Variants in CELF2 observed in about 807,000 individuals in gnomAD.
CELF2 encodes CUGBP Elav-like family member 2, also known as CUG triplet repeat RNA-binding protein 2.
Under a neutral mutation model 62.6 loss-of-function variants are expected in CELF2, and 8 were observed. That is an observed-to-expected ratio of 0.13 (90% CI 0.07 to 0.23). The LOEUF is 0.23. CELF2 is among the 10% of genes least tolerant of loss of function. CELF2 has a pLI of 1.00. For synonymous variants in CELF2, 258 were observed against 250.0 expected (o/e 1.03, Z -0.30); for missense variants, 333 against 671.0 (o/e 0.50, Z 5.56).
chr10:10,498,458 C>T, the CELF2 span, among the ~76,000 whole-genome samples: 3 of 152,148 alleles, frequency 2.0e-5, no homozygotes, highest in Non-Finnish European at 2.9e-5. Flanking sequence ...GAGCTTGGCT[C>T]CTGGAGGCAG....
rs1346445131 is a variant in CELF2 at position 11,098,889 on chromosome 10, C to A, written c.75-66597C>A. Among the ~76,000 whole-genome samples, 1 of 152,194 alleles carries A rather than the reference C, an allele frequency of 6.6e-6. No homozygotes were observed. The highest frequency in any genetic ancestry group is 1.5e-5 in the Non-Finnish European group (1 of 68,038). ...AGCAGCTTCCCCGAACCTCTCTCATCCCCTCAGTTTGGGCACAGTCCAGCA... is the reference window on the plus strand; with the variant it reads ...AGCAGCTTCCCCGAACCTCTCTCATACCCTCAGTTTGGGCACAGTCCAGCA... On this transcript the variant is annotated intron_variant, in intron 1 of 12. Coordinates refer to ENST00000633077, the MANE Select transcript of CELF2 (RefSeq NM_001326342.2). This position sits in a 1 kb window ranked among gnomAD's most constrained non-coding sequence, Gnocchi z 4.0.
chr10:10,878,047 C>T (rs568989537), intron 1 of CELF2, among the ~76,000 whole-genome samples: 1 of 152,164 alleles, frequency 6.6e-6, no homozygotes, highest in Non-Finnish European at 1.5e-5. Context: ...ACCAGTGGAC[C>T]TCCCTGCCTC....
At chr10:11,045,290 CA>C (rs1429325739) in intron 1 of CELF2, among the ~76,000 whole-genome samples, 2 of 152,128 alleles carry the variant, frequency 1.3e-5, no homozygotes, top group Non-Finnish European at 2.9e-5. Context: ...TCTATACAGA[CA>C]GGGGTCTCAT....
chr10:11,148,427 C>G (rs2062673061), intron 1 of CELF2, among the ~76,000 whole-genome samples: 1 of 152,160 alleles, frequency 6.6e-6, no homozygotes, highest in South Asian at 2.1e-4. Context: ...ATGCTTTTTT[C>G]TCCTATCTTT....
At chr10:11,116,460 A>T (rs530843906) in intron 1 of CELF2, among the ~76,000 whole-genome samples, 2 of 152,350 alleles carry the variant, frequency 1.3e-5, no homozygotes, top group Admixed American at 1.3e-4. Context: ...AGAAGTGAGC[A>T]TGTGTTCACT....
chr10:10,969,715 C>G (rs534445823), intron 2 of CELF2, among the ~76,000 whole-genome samples: 1 of 152,256 alleles, frequency 6.6e-6, no homozygotes, highest in South Asian at 2.1e-4. Context: ...GATGCATTCC[C>G]TAAAAGAATA....
the CELF2 span, among the ~76,000 whole-genome samples, chr10:10,742,453 A>T: frequency 6.6e-6 from 1 of 151,816 alleles, no homozygotes; most frequent in African/African-American, 2.4e-5. Flanking sequence ...ACATGGCAAA[A>T]CCCTGTCTTA....
the CELF2 span, among the ~76,000 whole-genome samples, chr10:10,565,496 A>T: frequency 6.6e-6 from 1 of 152,216 alleles, no homozygotes; most frequent in Admixed American, 6.5e-5. Context: ...CATTATCCTT[A>T]ATCTGTCTAG....
At chr10:10,912,365 G>C (rs2063887151) in intron 1 of CELF2, among the ~76,000 whole-genome samples, 1 of 152,062 alleles carries the variant, frequency 6.6e-6, no homozygotes, top group South Asian at 2.1e-4. Context: ...CCCACTTCTA[G>C]AATGTGAAGT....
chr10:11,184,036 G>A (rs2074194109), intron 2 of CELF2, among the ~76,000 whole-genome samples: 1 of 152,164 alleles, frequency 6.6e-6, no homozygotes, highest in East Asian at 1.9e-4. Context: ...AAGTGTTACA[G>A]GTTTAGGCTT....
the CELF2 span, among the ~76,000 whole-genome samples, chr10:10,632,218 C>T: frequency 5.3e-5 from 8 of 152,172 alleles, no homozygotes; most frequent in African/African-American, 1.9e-4. Flanking sequence ...AAAACTTCCA[C>T]ACACTGGAGT....
At position 11,017,897 on chromosome 10, in the gene CELF2, C is replaced by A. The variant is rs541044011; in HGVS notation, c.-193C>A. 3.5e-5 allele frequency: 34 copies of A among 964,966 alleles called. No homozygotes were observed. The South Asian group carries it at 1.2e-3, about 35-fold the overall frequency. 59.8% of individuals were successfully genotyped at this position (964,966 alleles called of 1,614,324 possible). ...GCCCCCGCCCGCCGCACCTGGCGCT[C>A]GGCAGCCGGCCGCCCCGGCGCTGGA... On this transcript the variant is annotated 5_prime_UTR_variant, in exon 1 of 13. Transcript: ENST00000633077. The surrounding 1 kb of genome is among the most constrained non-coding windows in gnomAD (Gnocchi z 5.5).
At chr10:10,586,804 G>A in the CELF2 span, among the ~76,000 whole-genome samples, 1 of 152,098 alleles carries the variant, frequency 6.6e-6, no homozygotes, top group Non-Finnish European at 1.5e-5. Flanking sequence ...AAGAAGTGTG[G>A]CCCATTAATG....
the CELF2 span, among the ~76,000 whole-genome samples, chr10:10,648,902 G>A: frequency 6.6e-6 from 1 of 152,108 alleles, no homozygotes; most frequent in East Asian, 1.9e-4. Flanking sequence ...GAGGAGGGGC[G>A]CACCGCTTAC....
At chr10:11,164,940 T>G in intron 1 of CELF2, 1 of 376,296 alleles carries the variant, frequency 2.7e-6, no homozygotes, top group Non-Finnish European at 3.7e-6. Flanking sequence ...GCATCTTGCA[T>G]TAGTCATCTG....
intron 1 of CELF2, among the ~76,000 whole-genome samples, chr10:10,893,275 A>G (rs147790691): frequency 1.9e-3 from 295 of 152,324 alleles, no homozygotes; most frequent in African/African-American, 6.8e-3. Context: ...GCTTGACTGT[A>G]ATTACACATA....
intron 1 of CELF2, among the ~76,000 whole-genome samples, chr10:11,144,438 T>C (rs1049111907): frequency 6.6e-6 from 1 of 152,156 alleles, no homozygotes; most frequent in Non-Finnish European, 1.5e-5. Context: ...CAACAGACTG[T>C]ATGTAGTTTC....
At chr10:10,637,821 T>C in the CELF2 span, among the ~76,000 whole-genome samples, 1 of 152,178 alleles carries the variant, frequency 6.6e-6, no homozygotes, top group African/African-American at 2.4e-5. Flanking sequence ...AAAATCTTAC[T>C]TGTTGCAGCT....
chr10:10,487,239 A>G, the CELF2 span, among the ~76,000 whole-genome samples: 1 of 152,168 alleles, frequency 6.6e-6, no homozygotes, highest in Non-Finnish European at 1.5e-5. Flanking sequence ...ATTAGTTGCC[A>G]ATGTTTTACT....
Sources: gnomAD v4.1 joint callset for allele counts (sites outside exome capture counted in the v4.1 genomes callset) on GRCh38, gnomAD v4.1.1 for gene constraint, Gnocchi (gnomAD v3.1) non-coding constraint, MANE v1.5 for transcripts, NCBI Gene and HGNC (gene_info 2026-07-23, HGNC 2026-07-21) for gene names.